OCIAD1: variants seen among roughly 807,000 people sequenced by gnomAD.
OCIAD1 encodes the protein OCIA domain-containing protein 1.
A neutral mutation model predicts 38.9 loss-of-function variants in OCIAD1; 29 were observed. That is an observed-to-expected ratio of 0.74 (90% CI 0.55 to 1.02). The LOEUF (loss-of-function observed/expected upper bound fraction) is 1.02. OCIAD1 is among the 50% of genes least tolerant of loss of function. OCIAD1 has a pLI of 0.00. For synonymous variants in OCIAD1, 110 were observed against 92.0 expected (o/e 1.20, Z -1.12); for missense variants, 288 against 289.6 (o/e 0.99, Z 0.04).
At chr4:48,852,875 G>GTTTTTTTTTTT (rs770694566) in intron 7 of OCIAD1, among the ~76,000 whole-genome samples, 2 of 69,128 alleles carry the variant, frequency 2.9e-5, no homozygotes, top group East Asian at 4.0e-4. Context: ...GTTTTTTTTT[G>GTTTTTTTTTTT]TTTTTTGTTT....
chr4:48,823,184 T>A (rs181680042), intron 1 of OCIAD1, among the ~76,000 whole-genome samples: 58 of 152,252 alleles, frequency 3.8e-4, no homozygotes, highest in African/African-American at 1.3e-3. Flanking sequence ...ATGTGGCGCA[T>A]ACATACCATG....
At chr4:48,810,240 C>T (rs925403343) in intron 1 of OCIAD1, among the ~76,000 whole-genome samples, 3 of 151,746 alleles carry the variant, frequency 2.0e-5, no homozygotes, top group African/African-American at 4.8e-5. Flanking sequence ...GAGGCCGAGG[C>T]GGGTGGATCA....
Position 48,819,914 on chromosome 4 carries a change from A to G in OCIAD1, c.-102-10663A>G, listed in dbSNP as rs1777177513. On this transcript the variant is annotated intron_variant, in intron 1 of 6. Coordinates refer to the OCIAD1 transcript ENST00000504654. Reference sequence around the variant, plus strand: ...AGATTCATAAAACAAGTTCTTAGAGACCTACAAAGAGACTTGGACTCCCAC... The same window carrying G: ...AGATTCATAAAACAAGTTCTTAGAGGCCTACAAAGAGACTTGGACTCCCAC... Among the ~76,000 whole-genome samples the G allele has an allele frequency of 2.6e-5, 4 of 152,020 alleles. No homozygotes were observed. The South Asian group carries it at 8.3e-4, about 32-fold the overall frequency.
chr4:48,838,297 G>A (rs1437175252), intron 3 of OCIAD1, among the ~76,000 whole-genome samples: 7 of 148,372 alleles, frequency 4.7e-5, no homozygotes, highest in Non-Finnish European at 7.4e-5. Context: ...CAGCCTGGGC[G>A]ACAGAGCGAG....
At chr4:48,809,453 C>G (rs1253729223) in intron 1 of OCIAD1, among the ~76,000 whole-genome samples, 2 of 151,980 alleles carry the variant, frequency 1.3e-5, no homozygotes, top group Admixed American at 6.6e-5. Context: ...TTGAACCCGG[C>G]AGGTGGAGGT....
intron 1 of OCIAD1, 126 bp downstream of exon 1, chr4:48,831,375 C>A: frequency 1.6e-6 from 1 of 638,468 alleles, no homozygotes; most frequent in Non-Finnish European, 2.5e-6. Context: ...AGATCGCGCT[C>A]GGGTCTCGGC....
intron 1 of OCIAD1, among the ~76,000 whole-genome samples, chr4:48,813,373 GT>G (rs1777109975): frequency 2.6e-5 from 4 of 152,236 alleles, no homozygotes. Context: ...GCAGCAACTG[GT>G]TGGGGGTGGT....
At chr4:48,838,189 G>A (rs1434605034) in intron 3 of OCIAD1, among the ~76,000 whole-genome samples, 2 of 152,006 alleles carry the variant, frequency 1.3e-5, no homozygotes, top group Non-Finnish European at 2.9e-5. Flanking sequence ...ATGGTGGCAG[G>A]TGCCTGTAAT....
At chr4:48,824,595 C>T (rs571178677) in intron 1 of OCIAD1, among the ~76,000 whole-genome samples, 11 of 151,752 alleles carry the variant, frequency 7.2e-5, no homozygotes, top group African/African-American at 2.7e-4. Context: ...TTATGTTGCC[C>T]AGGCTGGTCT....
chr4:48,848,257 T>A, intron 4 of OCIAD1, 142 bp from the exon 5 acceptor site: 1 of 442,966 alleles, frequency 2.3e-6, no homozygotes. Flanking sequence ...ACTGAATTCA[T>A]TTGGTTTTCC....
chr4:48,850,943 G>A (rs1390471702), intron 6 of OCIAD1, among the ~76,000 whole-genome samples: 1 of 152,154 alleles, frequency 6.6e-6, no homozygotes, highest in African/African-American at 2.4e-5. Context: ...ATTTTATCTC[G>A]ATTCAATTTG....
At chr4:48,853,370 A>G (rs1282844142) in intron 7 of OCIAD1, among the ~76,000 whole-genome samples, 2 of 152,126 alleles carry the variant, frequency 1.3e-5, no homozygotes, top group Admixed American at 6.5e-5. Context: ...AAACCTCTGA[A>G]TGGATGGATA....
upstream of OCIAD1, among the ~76,000 whole-genome samples, chr4:48,826,170 T>A (rs929396952): frequency 6.6e-6 from 1 of 152,108 alleles, no homozygotes. Flanking sequence ...TTTTAAATTA[T>A]ACTTTAAGTT....
At chr4:48,819,564 T>C (rs540179686) in intron 1 of OCIAD1, among the ~76,000 whole-genome samples, 1 of 151,810 alleles carries the variant, frequency 6.6e-6, no homozygotes, top group Non-Finnish European at 1.5e-5. Context: ...GCCTTCAGTG[T>C]AAATGGGCTA....
In OCIAD1 at chr4:48,852,012, T is replaced by C. The variant is rs753885242; in HGVS notation, c.547+37T>C. On this transcript the variant is annotated intron_variant, in intron 7 of 8. Transcript: ENST00000264312. ...TCTTGAAATGAATTTCAACATTTTA[T>C]GGTCCAACGTATGTATAAACTTTAT... The C allele has an allele frequency of 3.9e-6, 6 of 1,519,334 alleles. No homozygotes were observed. In the East Asian group the frequency reaches 1.4e-4, roughly 35 times the overall value. The allele number at this position is 1,519,334 out of a possible 1,614,324, so 94.1% of individuals were successfully genotyped here.
intron 6 of OCIAD1, among the ~76,000 whole-genome samples, 162 bp downstream of exon 6, chr4:48,850,244 C>A (rs1779315534): frequency 6.6e-6 from 1 of 152,158 alleles, no homozygotes; most frequent in Non-Finnish European, 1.5e-5. Flanking sequence ...GCAAGACTTG[C>A]CACCATTTAT....
intron 8 of OCIAD1, chr4:48,860,056 TTATGATTACTCACAGACAGAAGC>T (rs1194612671): frequency 6.6e-6 from 1 of 152,386 alleles, no homozygotes; most frequent in Non-Finnish European, 1.5e-5. Context: ...CTTTATATTG[TTATGATTACTCACAGACAGAAGC>T]TATGTGGAAG....
intron 1 of OCIAD1, among the ~76,000 whole-genome samples, chr4:48,811,403 GTCTTTC>G (rs1271270197): frequency 1.3e-5 from 2 of 152,220 alleles, no homozygotes; most frequent in East Asian, 3.8e-4. Flanking sequence ...AGGCCCTGCA[GTCTTTC>G]TCTTCCTTTC....
At chr4:48,831,755 C>CT (rs1560415199) in intron 1 of OCIAD1, among the ~76,000 whole-genome samples, 1 of 152,054 alleles carries the variant, frequency 6.6e-6, no homozygotes. Context: ...TTCAGCTGAC[C>CT]TTTTTTATTT....
Sources: allele counts gnomAD v4.1 joint callset (sites outside exome capture counted in the v4.1 genomes callset), GRCh38; gene constraint gnomAD v4.1.1; transcripts MANE v1.5; gene names NCBI Gene and HGNC (gene_info 2026-07-23, HGNC 2026-07-21).